Variants in USP45 observed in about 807,000 individuals in gnomAD.
The protein encoded by USP45 is ubiquitin carboxyl-terminal hydrolase 45.
In USP45, 89 loss-of-function variants were observed where a neutral mutation model predicts 95.8. The ratio of observed to expected loss-of-function variants is 0.93; its 90% CI spans 0.78 to 1.11. USP45 has a LOEUF of 1.11. USP45 is among the 50% of genes least tolerant of loss of function. The pLI is 0.00. For synonymous variants in USP45, 281 were observed against 316.2 expected (o/e 0.89, Z 1.18); for missense variants, 898 against 942.5 (o/e 0.95, Z 0.62).
intron 5 of USP45, among the ~76,000 whole-genome samples, chr6:99,495,653 T>C (rs1177258533): frequency 6.6e-6 from 1 of 152,216 alleles, no homozygotes; most frequent in Non-Finnish European, 1.5e-5. Flanking sequence ...ATGCAATTTA[T>C]AAGTGTGATA....
chr6:99,456,539 T>C (rs1293520098), intron 13 of USP45, among the ~76,000 whole-genome samples: 1 of 152,218 alleles, frequency 6.6e-6, no homozygotes, highest in African/African-American at 2.4e-5. Flanking sequence ...ATTAATACTT[T>C]TATAATTTCT....
chr6:99,473,394 A>T (rs985557484), intron 9 of USP45, among the ~76,000 whole-genome samples: 1 of 152,044 alleles, frequency 6.6e-6, no homozygotes, highest in African/African-American at 2.4e-5. Context: ...ACAAAAAAAA[A>T]AAATTAGCCA....
intron 3 of USP45, among the ~76,000 whole-genome samples, chr6:99,508,052 G>A (rs1289666802): frequency 1.3e-5 from 2 of 152,124 alleles, no homozygotes; most frequent in Non-Finnish European, 2.9e-5. Flanking sequence ...GTTGAGGATG[G>A]CACAGCAGAA....
intron 13 of USP45, 68 bp downstream of exon 13, chr6:99,464,536 G>T: frequency 1.3e-6 from 2 of 1,516,402 alleles, no homozygotes. Context: ...TCTACTTTTA[G>T]ATGTGCTTGA....
At chr6:99,506,600 C>T (rs1229227128) in intron 4 of USP45, among the ~76,000 whole-genome samples, 1 of 152,176 alleles carries the variant, frequency 6.6e-6, no homozygotes, top group South Asian at 2.1e-4. Context: ...TGAGCCATCA[C>T]GCCCCACAAA....
chr6:99,466,803 C>T (rs762082171), intron 10 of USP45, 40 bp from the exon 11 acceptor site: 1 of 1,495,556 alleles, frequency 6.7e-7, no homozygotes, highest in Non-Finnish European at 9.3e-7. Context: ...AACATGTCAA[C>T]CATCCATCTA....
Position 99,507,473 on chromosome 6 carries a change from G to A in USP45, c.332C>T (p.Thr111Ile). Reference protein sequence around the residue: ...HSLKHFKSSRTEPHCIIINLS... With the variant: ...HSLKHFKSSRIEPHCIIINLS... Reference sequence around the variant, plus strand: ...ATTAATTATAATACAATGGGGCTCTGTTCTGGAACTCTTAAAGTGCTTCAA... The same window carrying A: ...ATTAATTATAATACAATGGGGCTCTATTCTGGAACTCTTAAAGTGCTTCAA... Residue 111 changes from threonine to isoleucine, a missense_variant, in exon 4 of 18, where the codon ACA becomes ATA. Transcript: ENST00000500704. 6.2e-7 allele frequency: 1 copy of A among 1,613,240 alleles called. No individual in the cohort carries two copies. The highest frequency in any genetic ancestry group is 1.1e-5 in the South Asian group (1 of 90,902).
intron 7 of USP45, among the ~76,000 whole-genome samples, chr6:99,486,913 C>T (rs539958149): frequency 2.1e-4 from 32 of 152,204 alleles, no homozygotes; most frequent in African/African-American, 7.7e-4. Context: ...ACCTCCCAGC[C>T]AAAGTCCATC....
At chr6:99,472,279 G>A (rs761682055) in intron 9 of USP45, among the ~76,000 whole-genome samples, 7 of 147,140 alleles carry the variant, frequency 4.8e-5, no homozygotes, top group African/African-American at 1.5e-4. Context: ...GTGCAGTGCC[G>A]CGATCACAGC....
intron 8 of USP45, among the ~76,000 whole-genome samples, chr6:99,481,496 T>G (rs895043587): frequency 1.3e-5 from 2 of 152,198 alleles, no homozygotes; most frequent in African/African-American, 4.8e-5. Context: ...TACAATGACC[T>G]AGTAACTTTT....
At chr6:99,481,502 C>CT (rs1012521464) in intron 8 of USP45, among the ~76,000 whole-genome samples, 1 of 152,084 alleles carries the variant, frequency 6.6e-6, no homozygotes, top group Non-Finnish European at 1.5e-5. Flanking sequence ...GACCTAGTAA[C>CT]TTTTTTTGTT....
At chr6:99,491,457 G>A (rs17059605) in intron 5 of USP45, among the ~76,000 whole-genome samples, 4,863 of 152,150 alleles carry the variant, frequency 0.032, 252 homozygotes, top group African/African-American at 0.11. Flanking sequence ...GCCAAAAGGT[G>A]GTTTCATAGT....
chr6:99,516,966 A>G (rs1801155300), upstream of USP45, among the ~76,000 whole-genome samples: 1 of 152,176 alleles, frequency 6.6e-6, no homozygotes, highest in South Asian at 2.1e-4. Context: ...ATTATCAAAT[A>G]CCATACAATA....
chr6:99,479,453 T>C (rs1791765865), intron 8 of USP45, among the ~76,000 whole-genome samples: 1 of 151,920 alleles, frequency 6.6e-6, no homozygotes, highest in Non-Finnish European at 1.5e-5. Flanking sequence ...TCTCCCACCT[T>C]GGCTCCCAAA....
intron 13 of USP45, chr6:99,460,815 C>T (rs1201996462): frequency 1.0e-6 from 1 of 984,194 alleles, no homozygotes; most frequent in Non-Finnish European, 1.2e-6. Flanking sequence ...TCCATAATAA[C>T]ACCTTTTATA....
At chr6:99,462,589 C>CTA in intron 13 of USP45, 2 of 985,204 alleles carry the variant, frequency 2.0e-6, no homozygotes, top group Non-Finnish European at 2.4e-6. Flanking sequence ...TTTAACTGTC[C>CTA]TATATATCTT....
In USP45 at chr6:99,437,390, C is replaced by CACTTGCATT. The variant is rs748812260; in HGVS notation, c.2161_2169dup (p.Asn721_Ser723dup). ...AGACCGTAGAGAACTTTATCTCCCA[C>CACTTGCATT]ACTTGCATTCTTTTAAACAAAGAAA... On this transcript the variant is annotated inframe_insertion, in exon 17 of 18. Transcript: ENST00000500704. 2.8e-4 allele frequency: 438 copies of CACTTGCATT among 1,584,964 alleles called. 2 individuals carry two copies. Among genetic ancestry groups the CACTTGCATT allele is most frequent in the Non-Finnish European group, 1.3e-5 (15 of 1,172,444 alleles).
Position 99,484,011 on chromosome 6 carries a change from T to TTTTTTTG in USP45, c.715-1129_715-1128insCAAAAAA, listed in dbSNP as rs1583292123. Among the ~76,000 whole-genome samples the TTTTTTTG allele has an allele frequency of 2.9e-5, 4 of 138,130 alleles. No individual in the cohort carries two copies. In the East Asian group the frequency reaches 8.6e-4, roughly 30 times the overall value. The allele number at this position is 138,130 out of a possible 152,430, so 90.6% of individuals were successfully genotyped here. A position where few individuals can be genotyped will look rare whatever the true frequency, so the allele number is the denominator to read the frequency against. The stretch of plus-strand genomic sequence containing the variant: ...AGGCTATAATTTTCCATAGTTTTTT[T>TTTTTTTG]TTTTTTTTTTTTTTAAAGAGACAGG... On this transcript the variant is annotated intron_variant, in intron 7 of 17. Coordinates refer to ENST00000500704, the MANE Select transcript of USP45 (RefSeq NM_001346022.3).
At chr6:99,479,020 A>AC (rs1398386196) in intron 8 of USP45, among the ~76,000 whole-genome samples, 3 of 151,914 alleles carry the variant, frequency 2.0e-5, no homozygotes, top group South Asian at 4.2e-4. Flanking sequence ...AACAAAAAAA[A>AC]AAACAGGTAA....
Sources: allele counts gnomAD v4.1 joint callset (sites outside exome capture counted in the v4.1 genomes callset), GRCh38; gene constraint gnomAD v4.1.1; transcripts MANE v1.5; gene names NCBI Gene and HGNC (gene_info 2026-07-23, HGNC 2026-07-21).